The following PCDH11X variants were observed in gnomAD, a reference collection of about 807,000 sequenced individuals.
The protein encoded by PCDH11X is protocadherin 11 X-linked.
Under a neutral mutation model 53.3 loss-of-function variants are expected in PCDH11X, and 18 were observed. That is an observed-to-expected ratio of 0.34 (90% CI 0.23 to 0.50). PCDH11X has a LOEUF of 0.50. Among genes scored for constraint, PCDH11X ranks in the 20% least tolerant of loss-of-function variants. The probability of loss-of-function intolerance (pLI) is 0.98; values close to 1 mark genes in which losing one functional copy is unlikely to be tolerated. For synonymous variants in PCDH11X, 279 were observed against 393.3 expected, an observed-to-expected ratio of 0.71 and a Z score of 3.44; for missense variants, 570 against 1,032.4, an observed-to-expected ratio of 0.55 and a Z score of 6.14.
chrX:91,975,704 G>A (rs1398862890), intron 6 of PCDH11X, among the ~76,000 whole-genome samples: 2 of 110,951 alleles, frequency 1.8e-5, no homozygotes, highest in Non-Finnish European at 3.8e-5. Context: ...GGTGAAGAAA[G>A]CTATCAAGCA....
chrX:92,162,106 T>C (rs916962580), intron 6 of PCDH11X, among the ~76,000 whole-genome samples: 9 of 91,411 alleles, frequency 9.8e-5, no homozygotes, highest in Admixed American at 6.3e-4. Flanking sequence ...TGTTTTGTCA[T>C]ATTATGAGAA....
chrX:92,460,447 A>G, intron 9 of PCDH11X: 1 of 779,002 alleles, frequency 1.3e-6, no homozygotes, highest in East Asian at 3.1e-5. Context: ...GGCTGGGAAG[A>G]ACCGAGAGGA....
intron 8 of PCDH11X, among the ~76,000 whole-genome samples, chrX:92,353,746 G>T (rs1909741974): frequency 9.2e-6 from 1 of 109,013 alleles, no homozygotes; most frequent in South Asian, 4.0e-4. Flanking sequence ...AATTTTCTAA[G>T]ATCTGTAACT....
intron 6 of PCDH11X, among the ~76,000 whole-genome samples, chrX:92,102,988 A>AT (rs1385855478): frequency 9.0e-6 from 1 of 111,130 alleles, no homozygotes; most frequent in Non-Finnish European, 1.9e-5. Flanking sequence ...GGGATGGGAT[A>AT]TTGCCGTTGA....
At chrX:92,277,417 G>C (rs2068124055) in intron 8 of PCDH11X, among the ~76,000 whole-genome samples, 1 of 110,910 alleles carries the variant, frequency 9.0e-6, no homozygotes, top group African/African-American at 3.3e-5. Context: ...AAGACATTTA[G>C]GTTTTAGGTC....
intron 6 of PCDH11X, among the ~76,000 whole-genome samples, chrX:92,079,894 T>C (rs939949053): frequency 8.9e-6 from 1 of 112,016 alleles, no homozygotes; most frequent in African/African-American, 3.2e-5. Flanking sequence ...ATAATGCCCC[T>C]TCCCCAAGGA....
intron 9 of PCDH11X, among the ~76,000 whole-genome samples, chrX:92,403,928 CTTATCT>C (rs2071452690): frequency 9.0e-6 from 1 of 110,580 alleles, no homozygotes; most frequent in Non-Finnish European, 1.9e-5. Context: ...CAATTACTAT[CTTATCT>C]TTAAGAAGAT....
chrX:92,548,459 T>C (rs1204415206), intron 10 of PCDH11X, among the ~76,000 whole-genome samples: 1 of 111,894 alleles, frequency 8.9e-6, no homozygotes, highest in Non-Finnish European at 1.9e-5. Context: ...GCATGAGCCA[T>C]CGCACGCAGC....
intron 6 of PCDH11X, among the ~76,000 whole-genome samples, chrX:92,002,083 C>A (rs1379254202): frequency 1.9e-5 from 2 of 103,859 alleles, no homozygotes. Flanking sequence ...TGGTATATGG[C>A]AAGAGATAGA....
chrX:92,219,080 G>A (rs768892041), intron 7 of PCDH11X, among the ~76,000 whole-genome samples: 2,652 of 110,306 alleles, frequency 0.024, 56 homozygotes, highest in Non-Finnish European at 0.039. Context: ...ACAAACCCAT[G>A]GCCAATATCA....
intron 8 of PCDH11X, among the ~76,000 whole-genome samples, chrX:92,313,350 GT>G (rs1194912258): frequency 9.1e-6 from 1 of 110,086 alleles, no homozygotes; most frequent in African/African-American, 3.3e-5. Flanking sequence ...AAGTCACACA[GT>G]TAGTCAATGA....
At chrX:91,879,532 C>T in intron 6 of PCDH11X, 3 of 1,078,423 alleles carry the variant, frequency 2.8e-6, no homozygotes, top group South Asian at 4.9e-5. Flanking sequence ...TATGACAATT[C>T]TTGCTAGAGA....
chrX:92,568,335 C>T (rs749771914), intron 10 of PCDH11X, among the ~76,000 whole-genome samples: 23 of 108,956 alleles, frequency 2.1e-4, no homozygotes, highest in Middle Eastern at 4.8e-3. Flanking sequence ...GGCAGGAGAA[C>T]AGCGTGAACG....
At chrX:92,139,171 T>G (rs2065132257) in intron 6 of PCDH11X, among the ~76,000 whole-genome samples, 1 of 108,560 alleles carries the variant, frequency 9.2e-6, no homozygotes, top group Admixed American at 1.0e-4. Context: ...CTTTAGTAAA[T>G]ACCTGGTATT....
At chrX:91,965,214 A>C (rs931510506) in intron 6 of PCDH11X, among the ~76,000 whole-genome samples, 2 of 109,157 alleles carry the variant, frequency 1.8e-5, no homozygotes, top group African/African-American at 6.8e-5. Context: ...ATGCATGAGA[A>C]AGCTGAATAT....
intron 9 of PCDH11X, among the ~76,000 whole-genome samples, chrX:92,467,092 TAGA>T (rs2073170913): frequency 9.0e-6 from 1 of 111,079 alleles, no homozygotes; most frequent in African/African-American, 3.3e-5. Flanking sequence ...AAATTCTATG[TAGA>T]AGATCAATCC....
intron 8 of PCDH11X, among the ~76,000 whole-genome samples, chrX:92,318,230 A>T (rs942785972): frequency 4.5e-5 from 5 of 111,336 alleles, no homozygotes; most frequent in African/African-American, 1.6e-4. Flanking sequence ...GCCTACCTAC[A>T]TTTCAAAATT....
intron 9 of PCDH11X, among the ~76,000 whole-genome samples, chrX:92,411,638 C>T (rs1158201323): frequency 9.2e-6 from 1 of 108,900 alleles, no homozygotes; most frequent in Non-Finnish European, 1.9e-5. Flanking sequence ...CATAATATTC[C>T]GTGGTGTATA....
At chrX:91,834,465 C>T (rs1937224207) in intron 4 of PCDH11X, among the ~76,000 whole-genome samples, 1 of 108,009 alleles carries the variant, frequency 9.3e-6, no homozygotes, top group South Asian at 4.1e-4. Flanking sequence ...TCAAGCCCTT[C>T]TCAAGCTGTT....
Sources: gnomAD v4.1 joint callset for allele counts (sites outside exome capture counted in the v4.1 genomes callset) on GRCh38, gnomAD v4.1.1 for gene constraint, MANE v1.5 for transcripts, NCBI Gene and HGNC (gene_info 2026-07-23, HGNC 2026-07-21) for gene names.